HIBCH: variants seen among roughly 807,000 people sequenced by gnomAD.
HIBCH encodes 3-hydroxyisobutyryl-CoA hydrolase, also known as 3-hydroxyisobutyryl-CoA hydrolase, mitochondrial.
A neutral mutation model predicts 58.2 loss-of-function variants in HIBCH; 50 were observed. The ratio of observed to expected loss-of-function variants is 0.86; its 90% CI spans 0.68 to 1.09. The LOEUF (loss-of-function observed/expected upper bound fraction) is 1.09, where lower values mean the gene tolerates loss of function less well. Among genes scored for constraint, HIBCH ranks in the 50% least tolerant of loss-of-function variants. The pLI is 0.00. For synonymous variants in HIBCH, 151 were observed against 146.9 expected (o/e 1.03, Z -0.20); for missense variants, 450 against 449.7 (o/e 1.00, Z -0.01).
intron 11 of HIBCH, among the ~76,000 whole-genome samples, chr2:190,229,669 AT>A (rs966900467): frequency 2.0e-5 from 3 of 152,304 alleles, no homozygotes; most frequent in South Asian, 2.1e-4. Flanking sequence ...TGAATTGCAA[AT>A]TTTTTTAAAC....
intron 8 of HIBCH, chr2:190,251,344 G>A (rs189516027): frequency 4.9e-4 from 86 of 174,678 alleles, no homozygotes; most frequent in Non-Finnish European, 8.3e-4. Flanking sequence ...GACAGAGTGT[G>A]CATTACCTAG....
intron 8 of HIBCH, chr2:190,250,323 C>A (rs1028358981): frequency 6.5e-6 from 3 of 458,880 alleles, no homozygotes; most frequent in Non-Finnish European, 1.4e-5. Flanking sequence ...CAGGTAAGCT[C>A]TTCCTCCTTT....
intron 11 of HIBCH, among the ~76,000 whole-genome samples, chr2:190,224,240 T>G (rs1458893745): frequency 6.6e-6 from 1 of 152,108 alleles, no homozygotes; most frequent in Non-Finnish European, 1.5e-5. Flanking sequence ...CTTGAGTACG[T>G]AAACAAAGCA....
chr2:190,203,022 TA>T (rs1173544735), downstream of HIBCH: 1 of 155,292 alleles, frequency 6.4e-6, no homozygotes, highest in African/African-American at 2.9e-5. Context: ...ATAATCACCT[TA>T]GTCCCAAAGA....
chr2:190,245,768 T>C (rs1394317157), intron 10 of HIBCH, among the ~76,000 whole-genome samples: 1 of 151,994 alleles, frequency 6.6e-6, no homozygotes, highest in African/African-American at 2.4e-5. Context: ...GGAGGGTGAA[T>C]CACCTTAGGT....
chr2:190,235,115 A>G (rs978484651), intron 11 of HIBCH, among the ~76,000 whole-genome samples: 1 of 152,216 alleles, frequency 6.6e-6, no homozygotes, highest in Non-Finnish European at 1.5e-5. Flanking sequence ...CAGGGGAAGA[A>G]GAAGAGGGCT....
At chr2:190,309,970 G>C (rs1006108419) in intron 2 of HIBCH, among the ~76,000 whole-genome samples, 2 of 152,158 alleles carry the variant, frequency 1.3e-5, no homozygotes, top group Non-Finnish European at 2.9e-5. Flanking sequence ...GACTGGGAGA[G>C]GCAGACCCAC....
At chr2:190,201,922 C>T (rs1239981780), downstream of HIBCH, 1 of 166,942 alleles carries the variant, frequency 6.0e-6, no homozygotes, top group African/African-American at 2.4e-5. Context: ...ATTCATTTTG[C>T]ATCTCACACC....
chr2:190,282,752 T>C (rs1440533304), intron 6 of HIBCH, among the ~76,000 whole-genome samples: 1 of 152,086 alleles, frequency 6.6e-6, no homozygotes, highest in Non-Finnish European at 1.5e-5. Context: ...TTGTTTACTC[T>C]TTCAACGGCT....
downstream of HIBCH, among the ~76,000 whole-genome samples, chr2:190,199,214 A>AT (rs1169466332): frequency 1.3e-5 from 2 of 152,136 alleles, no homozygotes; most frequent in African/African-American, 4.8e-5. Flanking sequence ...CTCAGCAAAC[A>AT]TTTTTTGTAA....
intron 9 of HIBCH, among the ~76,000 whole-genome samples, chr2:190,248,848 G>A (rs1476930187): frequency 6.7e-6 from 1 of 148,874 alleles, no homozygotes; most frequent in East Asian, 2.0e-4. Flanking sequence ...GTGACAGAGC[G>A]AGACTCTGCT....
chr2:190,282,091 G>C lies in HIBCH; in HGVS notation c.438+5495C>G, dbSNP rs1192045683. 2.0e-5 allele frequency among the ~76,000 whole-genome samples: 3 copies of C among 151,968 alleles called. 1 individual carries two copies. Among genetic ancestry groups the C allele is most frequent in the Non-Finnish European group, 4.4e-5 (3 of 67,996 alleles). On this transcript the variant is annotated intron_variant, in intron 6 of 13. Transcript: ENST00000359678. ...TCACCAGAATCACCCTTAATGCTCCGTTCACAGCAATACAGGTTTTTTTCT... is the reference window on the plus strand; with the variant it reads ...TCACCAGAATCACCCTTAATGCTCCCTTCACAGCAATACAGGTTTTTTTCT...
chr2:190,298,510 A>G (rs778199514), intron 2 of HIBCH, among the ~76,000 whole-genome samples: 2 of 151,922 alleles, frequency 1.3e-5, no homozygotes, highest in Non-Finnish European at 2.9e-5. Context: ...AGTAATAATG[A>G]GCTTTTTTTC....
At chr2:190,201,439 A>C (rs1559005909), downstream of HIBCH, 1 of 167,060 alleles carries the variant, frequency 6.0e-6, no homozygotes, top group Non-Finnish European at 1.5e-5. Flanking sequence ...TTAAATGGAA[A>C]GGAAATTATT....
intron 11 of HIBCH, among the ~76,000 whole-genome samples, chr2:190,242,664 T>TG (rs1364413707): frequency 3.9e-5 from 6 of 152,116 alleles, no homozygotes; most frequent in Non-Finnish European, 5.9e-5. Context: ...GAATACAGAA[T>TG]GGGTAGTAGG....
chr2:190,230,680 G>A (rs1176472184), intron 11 of HIBCH, among the ~76,000 whole-genome samples: 1 of 152,228 alleles, frequency 6.6e-6, no homozygotes, highest in East Asian at 1.9e-4. Context: ...GGGCGAGAGA[G>A]CAAGACTCAG....
intron 1 of HIBCH, among the ~76,000 whole-genome samples, chr2:190,198,604 C>G (rs1690087407): frequency 8.4e-6 from 1 of 119,510 alleles, no homozygotes; most frequent in Admixed American, 1.2e-4. Context: ...TTACTCCAGA[C>G]TGAGTTAACA....
chr2:190,299,819 A>G (rs761785687), intron 2 of HIBCH, among the ~76,000 whole-genome samples: 2 of 151,998 alleles, frequency 1.3e-5, no homozygotes, highest in Non-Finnish European at 2.9e-5. Flanking sequence ...CCCTCCTCCT[A>G]TCCTCGACTC....
At chr2:190,203,063 TAAAAACA>T (rs1224947241), downstream of HIBCH, 6 of 167,066 alleles carry the variant, frequency 3.6e-5, no homozygotes, top group Non-Finnish European at 5.9e-5. Context: ...TTATTAGTAT[TAAAAACA>T]GACACACTGA....
Sources: allele counts gnomAD v4.1 joint callset (sites outside exome capture counted in the v4.1 genomes callset), GRCh38; gene constraint gnomAD v4.1.1; transcripts MANE v1.5; gene names NCBI Gene and HGNC (gene_info 2026-07-23, HGNC 2026-07-21).